Variants in SAMD5 observed in about 807,000 individuals in gnomAD.
SAMD5 encodes the protein sterile alpha motif domain containing 5, also known as sterile alpha motif domain-containing protein 5.
SAMD5 carries 13 observed loss-of-function variants against 11.3 expected under a neutral mutation model. The observed-to-expected ratio is 1.15, with a 90% CI of 0.75 to 1.83. SAMD5 has a LOEUF of 1.83. Among genes scored for constraint, SAMD5 ranks in the 40% most tolerant of loss-of-function variants. The pLI, the probability that SAMD5 is intolerant of heterozygous loss-of-function variation, is 0.00. For missense variants in SAMD5, 255 were observed against 239.1 expected (o/e 1.07, Z -0.44); for synonymous variants, 129 against 111.3 (o/e 1.16, Z -1.00).
At chr6:147,915,249 T>C in the SAMD5 span, among the ~76,000 whole-genome samples, 76,832 of 151,980 alleles carry the variant, frequency 0.51, 21,300 homozygotes, top group African/African-American at 0.75. Flanking sequence ...ATGGGTAAGA[T>C]GTACGTTACA....
chr6:147,751,070 C>T, the SAMD5 span, among the ~76,000 whole-genome samples: 7 of 152,182 alleles, frequency 4.6e-5, no homozygotes, highest in African/African-American at 1.2e-4. Context: ...ATGGCTCCAA[C>T]GACACATCTC....
chr6:147,678,503 A>C (rs986597797), intron 1 of SAMD5, among the ~76,000 whole-genome samples: 3 of 152,204 alleles, frequency 2.0e-5, no homozygotes, highest in Non-Finnish European at 4.4e-5. Context: ...TAACATAAGT[A>C]ATAAATCAGG....
chr6:147,836,176 G>C, the SAMD5 span, among the ~76,000 whole-genome samples: 1 of 152,162 alleles, frequency 6.6e-6, no homozygotes, highest in Non-Finnish European at 1.5e-5. Context: ...TCATTAAGCT[G>C]ATTCCTTTAG....
intron 1 of SAMD5, among the ~76,000 whole-genome samples, chr6:147,527,744 CTAGT>C (rs1788365145): frequency 1.3e-5 from 2 of 152,126 alleles, no homozygotes; most frequent in South Asian, 2.1e-4. Context: ...AAATCAAAAA[CTAGT>C]TAGTTACTTC....
chr6:147,758,763 C>T, the SAMD5 span, among the ~76,000 whole-genome samples: 2 of 152,124 alleles, frequency 1.3e-5, no homozygotes, highest in Admixed American at 1.3e-4. Context: ...TCTGACCTCA[C>T]TTCCTGGGCT....
chr6:147,883,751 G>A, the SAMD5 span, among the ~76,000 whole-genome samples: 5 of 152,170 alleles, frequency 3.3e-5, no homozygotes, highest in African/African-American at 1.2e-4. Context: ...TTAATCAGTT[G>A]CTGGGCTGGA....
the SAMD5 span, among the ~76,000 whole-genome samples, chr6:147,887,390 T>A: frequency 6.6e-6 from 1 of 152,246 alleles, no homozygotes; most frequent in African/African-American, 2.4e-5. Context: ...TTGCTATAGA[T>A]TAATTTGCAT....
intron 1 of SAMD5, among the ~76,000 whole-genome samples, chr6:147,527,409 G>A (rs532505800): frequency 2.6e-5 from 4 of 152,182 alleles, no homozygotes; most frequent in Non-Finnish European, 5.9e-5. Context: ...ACAACCAGAT[G>A]TTTTGAGAAC....
At chr6:147,921,274 A>AACACACACACAC in the SAMD5 span, among the ~76,000 whole-genome samples, 5,868 of 140,946 alleles carry the variant, frequency 0.042, 133 homozygotes, top group Admixed American at 0.066. Context: ...GAGAGTATAA[A>AACACACACACAC]ACACACACAC....
the SAMD5 span, among the ~76,000 whole-genome samples, chr6:147,925,507 C>T: frequency 1.3e-5 from 2 of 150,386 alleles, no homozygotes; most frequent in South Asian, 2.1e-4. Flanking sequence ...TTTTTTAATT[C>T]AGGAGTTCTA....
At chr6:147,818,720 G>A in the SAMD5 span, among the ~76,000 whole-genome samples, 1 of 152,122 alleles carries the variant, frequency 6.6e-6, no homozygotes, top group Admixed American at 6.5e-5. Flanking sequence ...CCTGTCTCTG[G>A]TCTGGAAAGA....
chr6:147,751,269 C>T, the SAMD5 span, among the ~76,000 whole-genome samples: 2 of 152,176 alleles, frequency 1.3e-5, no homozygotes, highest in Non-Finnish European at 2.9e-5. Context: ...ACTTCCCACC[C>T]TCTTTCCTTG....
chr6:147,793,513 A>C, the SAMD5 span, among the ~76,000 whole-genome samples: 1 of 152,208 alleles, frequency 6.6e-6, no homozygotes, highest in East Asian at 1.9e-4. Flanking sequence ...GAACAAGTGT[A>C]TATACATATA....
At chr6:147,559,628 C>G (rs963109016) in intron 1 of SAMD5, among the ~76,000 whole-genome samples, 2 of 152,034 alleles carry the variant, frequency 1.3e-5, no homozygotes, top group East Asian at 3.8e-4. Flanking sequence ...AAGGACACAC[C>G]TCGGAGGAAG....
intron 1 of SAMD5, among the ~76,000 whole-genome samples, chr6:147,719,905 G>A (rs1420454523): frequency 6.6e-6 from 1 of 152,074 alleles, no homozygotes; most frequent in African/African-American, 2.4e-5. Flanking sequence ...TGAATAATCC[G>A]GGAAGATGCT....
At chr6:147,859,711 C>A in the SAMD5 span, among the ~76,000 whole-genome samples, 2 of 151,870 alleles carry the variant, frequency 1.3e-5, no homozygotes, top group Non-Finnish European at 2.9e-5. Flanking sequence ...TTGCATGTAA[C>A]CTAATGAAGC....
At chr6:147,793,802 C>T in the SAMD5 span, among the ~76,000 whole-genome samples, 102 of 152,274 alleles carry the variant, frequency 6.7e-4, no homozygotes, top group Non-Finnish European at 2.2e-4. Flanking sequence ...ACCAGTGCCA[C>T]ATTGTCTTGG....
chr6:147,951,189 CT>C, the SAMD5 span, among the ~76,000 whole-genome samples: 202 of 146,420 alleles, frequency 1.4e-3, 1 homozygote, highest in East Asian at 6.1e-3. Flanking sequence ...TTCTTTCTTT[CT>C]TTTTTTTTTT....
intron 1 of SAMD5, among the ~76,000 whole-genome samples, chr6:147,683,736 A>C (rs1289506347): frequency 6.6e-6 from 1 of 152,190 alleles, no homozygotes; most frequent in African/African-American, 2.4e-5. Context: ...GCAGTTTTCC[A>C]GCCATTGCTT....
Sources: gnomAD v4.1 joint callset for allele counts (sites outside exome capture counted in the v4.1 genomes callset) on GRCh38, gnomAD v4.1.1 for gene constraint, MANE v1.5 for transcripts, NCBI Gene and HGNC (gene_info 2026-07-23, HGNC 2026-07-21) for gene names.